SEMA7A: variants seen among roughly 807,000 people sequenced by gnomAD.
SEMA7A encodes the protein semaphorin-7A.
Under a neutral mutation model 67.5 loss-of-function variants are expected in SEMA7A, and 21 were observed. The ratio of observed to expected loss-of-function variants is 0.31; its 90% CI spans 0.22 to 0.45. SEMA7A has a LOEUF of 0.45. Ranked by LOEUF, SEMA7A falls within the 20% of genes least tolerant of loss-of-function variation. SEMA7A has a pLI of 1.00. For missense variants in SEMA7A, 774 were observed against 908.6 expected, an observed-to-expected ratio of 0.85 and a Z score of 1.90; for synonymous variants, 364 against 368.5, an observed-to-expected ratio of 0.99 and a Z score of 0.14.
chr15:74,423,066 G>A lies in SEMA7A; in HGVS notation c.179-4114C>T, dbSNP rs970423999. Among the ~76,000 whole-genome samples the A allele has an allele frequency of 1.3e-5, 2 of 152,224 alleles. No homozygotes were observed. The highest frequency in any genetic ancestry group is 2.9e-5 in the Non-Finnish European group (2 of 68,038). On this transcript the variant is annotated intron_variant, in intron 1 of 13. Coordinates refer to ENST00000261918, the MANE Select transcript of SEMA7A (RefSeq NM_003612.5). This position sits in a 1 kb window ranked among gnomAD's most constrained non-coding sequence, Gnocchi z 4.1. The stretch of plus-strand genomic sequence containing the variant: ...CTTTTGAAAGTGGGCAGAGAGTCAG[G>A]CTCTGAAAATGGCAGGAATGTGGGC...
intron 2 of SEMA7A, 56 bp from the exon 3 acceptor site, chr15:74,418,365 A>G: frequency 1.3e-6 from 2 of 1,559,926 alleles, no homozygotes; most frequent in Non-Finnish European, 1.8e-6. Context: ...TACCCCTGAA[A>G]TGCTTTCCAC....
rs2974974 is a variant in SEMA7A, at chr15:74,416,729, G to A, written c.662-15C>T. 6.2e-7 allele frequency: 1 copy of A among 1,613,032 alleles called. No individual in the cohort carries two copies. ...GAACTGTGGGTCTGCCAGGGACAGA[G>A]GCGAGTGGGCGTAAGGCTGGGAAGC... On this transcript the variant is annotated splice_polypyrimidine_tract_variant and intron_variant, in intron 6 of 13. Transcript: ENST00000261918.
At chr15:74,431,352 A>T (rs146204425) in intron 1 of SEMA7A, among the ~76,000 whole-genome samples, 1 of 152,312 alleles carries the variant, frequency 6.6e-6, no homozygotes, top group African/African-American at 2.4e-5. Context: ...ACTTTCATCA[A>T]GCTGCAGAGG....
At chr15:74,418,175 G>T (rs909484375) in intron 3 of SEMA7A, 93 bp downstream of exon 3, 2 of 1,348,670 alleles carry the variant, frequency 1.5e-6, no homozygotes, top group Admixed American at 1.7e-5. Context: ...TGGGACTCGT[G>T]GGGCAGGGCC....
At chr15:74,427,133 G>T in intron 1 of SEMA7A, 1 of 787,232 alleles carries the variant, frequency 1.3e-6, no homozygotes, top group Non-Finnish European at 1.5e-6. Flanking sequence ...GACTGCTCCA[G>T]CCCTCACTGC....
chr15:74,428,442 T>C (rs2061060133), intron 1 of SEMA7A, among the ~76,000 whole-genome samples: 1 of 152,202 alleles, frequency 6.6e-6, no homozygotes, highest in Admixed American at 6.5e-5. Flanking sequence ...AGTTTCCCCA[T>C]CTGTGGAATG....
chr15:74,416,643 G>C lies in SEMA7A; in HGVS notation c.733C>G (p.Arg245Gly). ...GGATTCTTGTCAGGATTGTCCTCTC[G>C]GAAGAAGTAGTAGATCTTGTCATCG... is the stretch of plus-strand genomic sequence containing the variant. ...AYDDKIYYFF[R>G]EDNPDKNPEA... is the part of the protein sequence containing the mutation. Residue 245 changes from arginine (R) to glycine (G), a missense_variant, in exon 7 of 14, where the codon CGA becomes GGA. Physicochemically the swap from Arg to Gly is moderately radical, Grantham distance 125 (BLOSUM62 -2). Around this residue, in one of 2 missense-constraint regions of SEMA7A, gnomAD observed 347 missense variants for 353.2 expected, o/e 0.98. Coordinates refer to ENST00000261918, the MANE Select transcript of SEMA7A (RefSeq NM_003612.5). 1 of 1,614,044 alleles carries C rather than the reference G, an allele frequency of 6.2e-7. No individual in the cohort carries two copies.
In SEMA7A at chr15:74,411,280, G is replaced by A. The variant is rs767347934; in HGVS notation, c.1639+15C>T. 13 of 1,612,802 alleles carry A rather than the reference G, an allele frequency of 8.1e-6. 1 individual carries two copies. In the Admixed American group the frequency reaches 1.3e-4, roughly 17 times the overall value. On this transcript the variant is annotated intron_variant, in intron 13 of 13. Coordinates refer to ENST00000261918, the MANE Select transcript of SEMA7A (RefSeq NM_003612.5). The surrounding 1 kb of genome is among the most constrained non-coding windows in gnomAD (Gnocchi z 4.4). ...CTCATTGGGCCACAGCCGCCAGCAG[G>A]GCCAGATCAGGTACCTGGTTTGGGG...
At position 74,411,901 on chromosome 15, in the gene SEMA7A, G is replaced by C. The variant is rs775757047; in HGVS notation, c.1406C>G (p.Ser469Trp). Residue 469 changes from serine to tryptophan, a missense_variant, in exon 11 of 14, where the codon TCG becomes TGG. Ser to Trp is a radical substitution (Grantham distance 177). Transcript: ENST00000261918. This position sits in a 1 kb window ranked among gnomAD's most constrained non-coding sequence, Gnocchi z 4.4. Reference protein sequence around the residue: ...FRRAAAIQTMSLDAERRKLYV... With the variant: ...FRRAAAIQTMWLDAERRKLYV... ...AAGGCTCACCCGCTCAGCATCCAGC[G>C]ACATGGTCTGGATGGCAGCCGCGCG... 7.4e-6 allele frequency: 12 copies of C among 1,613,800 alleles called. No homozygotes were observed. Among genetic ancestry groups the C allele is most frequent in the Admixed American group, 1.7e-5 (1 of 60,010 alleles).
At chr15:74,415,482 G>C (rs553638588) in intron 8 of SEMA7A, among the ~76,000 whole-genome samples, 1 of 152,306 alleles carries the variant, frequency 6.6e-6, no homozygotes, top group East Asian at 1.9e-4. Context: ...AGCTCCCCGA[G>C]AGATGCTTCA....
In SEMA7A at chr15:74,412,009, C is replaced by G; in HGVS notation, c.1298G>C (p.Arg433Thr). The change falls in exon 11 of 14, where the codon AGG (arginine) becomes ACG (threonine). Residue 433 changes from arginine (R) to threonine (T), a missense_variant. Physicochemically the swap from Arg to Thr is moderately conservative, Grantham distance 71. Coordinates refer to ENST00000261918, the MANE Select transcript of SEMA7A (RefSeq NM_003612.5). ...TFHVLYLTTD[R>T]GTIHKVVEPG... ...TTCCACCACCTTGTGGATAGTGCCC[C>G]TGTCTGTGTATGGTGGACAGAGGGT... 6.2e-7 allele frequency: 1 copy of G among 1,613,772 alleles called. No homozygotes were observed. Among genetic ancestry groups the G allele is most frequent in the Non-Finnish European group, 8.5e-7 (1 of 1,179,996 alleles).
intron 1 of SEMA7A, among the ~76,000 whole-genome samples, chr15:74,422,926 G>C (rs1201224047): frequency 1.3e-5 from 2 of 152,256 alleles, no homozygotes; most frequent in African/African-American, 4.8e-5. Flanking sequence ...GGGGAGGGCA[G>C]AGTGGGAGGT....
In SEMA7A at chr15:74,410,329, T is replaced by G; in HGVS notation, c.*295A>C. On this transcript the variant is annotated 3_prime_UTR_variant, in exon 14 of 14. Transcript: ENST00000261918. This position sits in a 1 kb window ranked among gnomAD's most constrained non-coding sequence, Gnocchi z 7.5. ...TCTTGGGCTGGGAGCATCGCTGCATTTAGTCAAGTTTGAGGAGTCTGAAAA... is the reference window on the plus strand; with the variant it reads ...TCTTGGGCTGGGAGCATCGCTGCATGTAGTCAAGTTTGAGGAGTCTGAAAA... The G allele has an allele frequency of 5.1e-6, 2 of 389,618 alleles. No homozygotes were observed. The highest frequency in any genetic ancestry group is 4.6e-6 in the Non-Finnish European group (1 of 218,984). The allele number at this position is 389,618 out of a possible 1,614,324, so 24.1% of individuals were successfully genotyped here. A position where few individuals can be genotyped will look rare whatever the true frequency, so the allele number is the denominator to read the frequency against.
chr15:74,433,680 T>A, intron 1 of SEMA7A, 61 bp downstream of exon 1: 1 of 1,367,618 alleles, frequency 7.3e-7, no homozygotes, highest in Non-Finnish European at 9.4e-7. Context: ...TGCAGCACAC[T>A]CCGCACCCGC....
Position 74,430,387 on chromosome 15 carries a change from A to G in SEMA7A, c.178+3354T>C, listed in dbSNP as rs148188230. Among the ~76,000 whole-genome samples the G allele has an allele frequency of 2.7e-3, 409 of 152,280 alleles. 4 individuals carry two copies. The highest frequency in any genetic ancestry group is 0.022 in the East Asian group (114 of 5,180). On this transcript the variant is annotated intron_variant, in intron 1 of 13. Transcript: ENST00000261918. ...GAGAAATCCTAAGACATTAAATCTC[A>G]GAAAAGGATGAGCCCCCTCCCCTAC...
rs181203649 is a variant in SEMA7A, at chr15:74,414,832, G to A, written c.1095+6C>T. Reference sequence around the variant, plus strand: ...GGGCCTGGGCCACGGCTGGTGTCACGCTCACCTTGCCAGGCCGCGGGTTGG... The same window carrying A: ...GGGCCTGGGCCACGGCTGGTGTCACACTCACCTTGCCAGGCCGCGGGTTGG... On this transcript the variant is annotated splice_donor_region_variant and intron_variant, in intron 9 of 13. Coordinates refer to ENST00000261918, the MANE Select transcript of SEMA7A (RefSeq NM_003612.5). The surrounding 1 kb of genome is among the most constrained non-coding windows in gnomAD (Gnocchi z 4.1). The A allele has an allele frequency of 3.0e-5, 48 of 1,613,968 alleles. No homozygotes were observed. The Admixed American group carries it at 5.2e-4, about 17-fold the overall frequency.
chr15:74,421,627 C>T (rs2061000947), intron 1 of SEMA7A, among the ~76,000 whole-genome samples: 1 of 152,244 alleles, frequency 6.6e-6, no homozygotes, highest in Non-Finnish European at 1.5e-5. Flanking sequence ...GCCCATTCTC[C>T]ACCCCAGCCC....
chr15:74,426,047 C>A (rs764359189), intron 1 of SEMA7A, among the ~76,000 whole-genome samples: 9 of 152,140 alleles, frequency 5.9e-5, no homozygotes, highest in Non-Finnish European at 1.3e-4. Flanking sequence ...CTGAGGTGGG[C>A]AGATCATTTG....
In SEMA7A at chr15:74,410,722, T is replaced by C; in HGVS notation, c.1903A>G (p.Ile635Val). 1 of 1,613,814 alleles carries C rather than the reference T, an allele frequency of 6.2e-7. No individual in the cohort carries two copies. Among genetic ancestry groups the C allele is most frequent in the East Asian group, 2.2e-5 (1 of 44,880 alleles). ...TGACCCAGCAGGTGCTCGGCCATGA[T>C]GCCGTCCTCGGGCAGCAGCTGCCAG... ...QHWQLLPEDGIMAEHLLGHAC... is the reference protein window; with the variant it reads ...QHWQLLPEDGVMAEHLLGHAC... Residue 635 changes from isoleucine to valine, a missense_variant, in exon 14 of 14, where the codon ATC (isoleucine) becomes GTC (valine). Physicochemically the swap from Ile to Val is conservative, Grantham distance 29 (BLOSUM62 3). Coordinates refer to ENST00000261918, the MANE Select transcript of SEMA7A (RefSeq NM_003612.5). The surrounding 1 kb of genome is among the most constrained non-coding windows in gnomAD (Gnocchi z 7.5).
Sources: gnomAD v4.1 joint callset for allele counts (sites outside exome capture counted in the v4.1 genomes callset) on GRCh38, gnomAD v4.1.1 for gene constraint, gnomAD v4.1.1 regional missense constraint, Gnocchi (gnomAD v3.1) non-coding constraint, MANE v1.5 for transcripts, NCBI Gene and HGNC (gene_info 2026-07-23, HGNC 2026-07-21) for gene names.